The following ASIC2 variants were observed in gnomAD, a reference collection of about 807,000 sequenced individuals.
ASIC2 encodes the protein acid-sensing ion channel 2.
Under a neutral mutation model 57.3 loss-of-function variants are expected in ASIC2, and 25 were observed. The ratio of observed to expected loss-of-function variants is 0.44; its 90% CI spans 0.32 to 0.61. The LOEUF (loss-of-function observed/expected upper bound fraction) is 0.61, where lower values mean the gene tolerates loss of function less well. Among genes scored for constraint, ASIC2 ranks in the 20% least tolerant of loss-of-function variants. ASIC2 has a pLI of 0.06. For synonymous variants in ASIC2, 319 were observed against 307.5 expected (o/e 1.04, Z -0.39); for missense variants, 641 against 738.1 (o/e 0.87, Z 1.52).
At chr17:34,060,107 C>T (rs1219282214) in intron 1 of ASIC2, among the ~76,000 whole-genome samples, 1 of 152,220 alleles carries the variant, frequency 6.6e-6, no homozygotes, top group Non-Finnish European at 1.5e-5. Flanking sequence ...CATCTGCCAC[C>T]TCCACCAGAA....
At chr17:33,804,742 T>C (rs1483645353) in intron 1 of ASIC2, among the ~76,000 whole-genome samples, 2 of 152,242 alleles carry the variant, frequency 1.3e-5, no homozygotes, top group African/African-American at 4.8e-5. Context: ...CTTCGATCTG[T>C]TCCTCCTTTA....
chr17:33,970,302 T>C (rs567975703), intron 1 of ASIC2, among the ~76,000 whole-genome samples: 2 of 152,046 alleles, frequency 1.3e-5, no homozygotes, highest in Non-Finnish European at 1.5e-5. Context: ...CTTTCCTCAT[T>C]CTCGAAGCCC....
chr17:33,517,164 G>A (rs1914597490), intron 1 of ASIC2, among the ~76,000 whole-genome samples: 1 of 152,154 alleles, frequency 6.6e-6, no homozygotes, highest in African/African-American at 2.4e-5. Context: ...TGCCCAGGCT[G>A]GAGTGCAGTG....
At chr17:33,479,664 T>C (rs1352778514) in intron 1 of ASIC2, among the ~76,000 whole-genome samples, 2 of 152,210 alleles carry the variant, frequency 1.3e-5, no homozygotes, top group Non-Finnish European at 2.9e-5. Flanking sequence ...GTCAAAGCCC[T>C]GGGCATAACC....
chr17:33,943,464 C>T (rs567668255), intron 1 of ASIC2, among the ~76,000 whole-genome samples: 3 of 152,140 alleles, frequency 2.0e-5, no homozygotes, highest in Non-Finnish European at 2.9e-5. Context: ...CCACAGCCCT[C>T]CCTCCATTTC....
intron 1 of ASIC2, among the ~76,000 whole-genome samples, chr17:34,043,745 G>A (rs1163814959): frequency 6.6e-6 from 1 of 152,152 alleles, no homozygotes. Flanking sequence ...TTTCATAGAG[G>A]GGAAAACCAA....
At chr17:33,798,152 G>C (rs527543313) in intron 1 of ASIC2, among the ~76,000 whole-genome samples, 1 of 152,208 alleles carries the variant, frequency 6.6e-6, no homozygotes, top group South Asian at 2.1e-4. Context: ...GCGAGATGAG[G>C]AGGTAAAGGG....
intron 1 of ASIC2, among the ~76,000 whole-genome samples, chr17:33,645,752 G>A (rs1383457755): frequency 6.6e-6 from 1 of 152,102 alleles, no homozygotes; most frequent in Non-Finnish European, 1.5e-5. Context: ...TCTCATCTGT[G>A]ACTATCTTCT....
At chr17:33,804,986 G>T (rs1254711284) in intron 1 of ASIC2, among the ~76,000 whole-genome samples, 1 of 151,886 alleles carries the variant, frequency 6.6e-6, no homozygotes, top group Admixed American at 6.6e-5. Context: ...AGCCAGCCTG[G>T]TATCCTTAAA....
intron 1 of ASIC2, among the ~76,000 whole-genome samples, chr17:33,277,706 CTCAG>C (rs1342925186): frequency 6.6e-6 from 1 of 152,298 alleles, no homozygotes; most frequent in African/African-American, 2.4e-5. Context: ...AAGGGCCTGG[CTCAG>C]TCAGTCTCAC....
At chr17:34,073,736 G>A (rs773816437) in intron 1 of ASIC2, among the ~76,000 whole-genome samples, 2 of 152,164 alleles carry the variant, frequency 1.3e-5, no homozygotes, top group South Asian at 2.1e-4. Flanking sequence ...CACTCAGCTT[G>A]TCTATCTAGA....
At chr17:33,739,954 AAAG>A (rs1910053074) in intron 1 of ASIC2, among the ~76,000 whole-genome samples, 1 of 123,518 alleles carries the variant, frequency 8.1e-6, no homozygotes, top group African/African-American at 2.8e-5. Flanking sequence ...AGAAAAGAAA[AAAG>A]AGAAAGAAAA....
intron 1 of ASIC2, among the ~76,000 whole-genome samples, chr17:33,853,315 C>T (rs892229602): frequency 3.3e-5 from 5 of 152,244 alleles, no homozygotes; most frequent in East Asian, 1.9e-4. Context: ...GGAAGAAACT[C>T]CTGGGAGAAA....
At chr17:33,331,014 G>A (rs1907291885) in intron 1 of ASIC2, among the ~76,000 whole-genome samples, 1 of 152,140 alleles carries the variant, frequency 6.6e-6, no homozygotes, top group Non-Finnish European at 1.5e-5. Context: ...TATGAACCGG[G>A]CTGCACAGGA....
intron 1 of ASIC2, among the ~76,000 whole-genome samples, chr17:33,577,933 A>C (rs2141996409): frequency 6.6e-6 from 1 of 152,282 alleles, no homozygotes; most frequent in African/African-American, 2.4e-5. Context: ...TGCCATTATT[A>C]GCATTTTTCA....
chr17:33,934,793 T>C (rs1916022529), intron 1 of ASIC2, among the ~76,000 whole-genome samples: 2 of 152,214 alleles, frequency 1.3e-5, no homozygotes, highest in Non-Finnish European at 2.9e-5. Context: ...TGCCCATACA[T>C]GCAAACAGAG....
chr17:34,002,175 G>C (rs193249840), intron 1 of ASIC2: 18 of 152,332 alleles, frequency 1.2e-4, no homozygotes. Flanking sequence ...ACTGTTTTGT[G>C]ATAGGACTCT....
chr17:33,705,914 C>G (rs1908847438), intron 1 of ASIC2, among the ~76,000 whole-genome samples: 1 of 152,032 alleles, frequency 6.6e-6, no homozygotes. Context: ...GTTTTGTTTC[C>G]CAGAGGCAAA....
At chr17:33,431,502 G>C (rs1911418593) in intron 1 of ASIC2, among the ~76,000 whole-genome samples, 1 of 152,108 alleles carries the variant, frequency 6.6e-6, no homozygotes, top group African/African-American at 2.4e-5. Context: ...TACTCAGGGG[G>C]GCTGAGGCAC....
Sources: allele counts gnomAD v4.1 joint callset (sites outside exome capture counted in the v4.1 genomes callset), GRCh38; gene constraint gnomAD v4.1.1; transcripts MANE v1.5; gene names NCBI Gene and HGNC (gene_info 2026-07-23, HGNC 2026-07-21).